COX10: variants seen among roughly 807,000 people sequenced by gnomAD.
COX10 encodes cytochrome c oxidase assembly factor heme A:farnesyltransferase COX10, also known as protoheme IX farnesyltransferase, mitochondrial.
In COX10, 27 loss-of-function variants were observed where a neutral mutation model predicts 37.3. That is an observed-to-expected ratio of 0.72 (90% CI 0.53 to 1.00). The LOEUF is 1.00. COX10 is among the 50% of genes least tolerant of loss of function. The pLI, the probability that COX10 is intolerant of heterozygous loss-of-function variation, is 0.00. For missense variants in COX10, 475 were observed against 563.2 expected, an observed-to-expected ratio of 0.84 and a Z score of 1.59; for synonymous variants, 222 against 229.1, an observed-to-expected ratio of 0.97 and a Z score of 0.28.
At chr17:14,071,730 C>CA (rs57780115) in intron 1 of COX10, among the ~76,000 whole-genome samples, 41,197 of 113,208 alleles carry the variant, frequency 0.36, 7,932 homozygotes, top group East Asian at 0.49. Flanking sequence ...CTAAAAATAC[C>CA]AAAAAAAAAA....
At chr17:14,106,152 T>G (rs2006924) in intron 4 of COX10, among the ~76,000 whole-genome samples, 71,388 of 151,672 alleles carry the variant, frequency 0.47, 17,090 homozygotes, top group East Asian at 0.54. Flanking sequence ...AAGTAGCTGG[T>G]ATTATAGGCG....
intron 4 of COX10, among the ~76,000 whole-genome samples, chr17:14,154,282 G>T (rs932369183): frequency 2.0e-5 from 3 of 152,162 alleles, no homozygotes; most frequent in African/African-American, 7.2e-5. Flanking sequence ...CTTGCATGTC[G>T]ATTATACCTT....
chr17:14,085,154 A>G (rs1915382186), intron 3 of COX10, among the ~76,000 whole-genome samples: 1 of 151,986 alleles, frequency 6.6e-6, no homozygotes, highest in Non-Finnish European at 1.5e-5. Flanking sequence ...TAAAATGGGG[A>G]TAATCCTCCC....
chr17:14,156,925 TCAGA>T (rs1905053158), intron 4 of COX10, among the ~76,000 whole-genome samples: 1 of 152,132 alleles, frequency 6.6e-6, no homozygotes, highest in African/African-American at 2.4e-5. Context: ...TTCCGCAGAG[TCAGA>T]CAGTAAACAT....
intron 3 of COX10, among the ~76,000 whole-genome samples, chr17:14,094,708 G>A (rs1334184076): frequency 6.6e-6 from 1 of 152,184 alleles, no homozygotes; most frequent in Non-Finnish European, 1.5e-5. Flanking sequence ...AATTCTTTTA[G>A]CACTGCTTTG....
intron 6 of COX10, among the ~76,000 whole-genome samples, chr17:14,205,512 G>A (rs1289883289): frequency 2.0e-5 from 3 of 152,234 alleles, no homozygotes; most frequent in East Asian, 1.9e-4. Flanking sequence ...GCAGGAGCAC[G>A]TGTGGATTGT....
At chr17:14,202,747 G>A (rs1219889403) in intron 6 of COX10, among the ~76,000 whole-genome samples, 42 of 102,084 alleles carry the variant, frequency 4.1e-4, no homozygotes, top group African/African-American at 1.5e-3. Context: ...TCTGTCTCTC[G>A]ACCCCCAGCC....
At chr17:14,170,573 G>A (rs150093703) in intron 5 of COX10, among the ~76,000 whole-genome samples, 2 of 152,284 alleles carry the variant, frequency 1.3e-5, no homozygotes, top group African/African-American at 4.8e-5. Context: ...TCAACAATTT[G>A]GGAGGCAAAG....
At chr17:14,123,083 C>T (rs1916262933) in intron 4 of COX10, among the ~76,000 whole-genome samples, 1 of 152,126 alleles carries the variant, frequency 6.6e-6, no homozygotes, top group African/African-American at 2.4e-5. Flanking sequence ...GTTTACAGTG[C>T]TATTTCATGT....
At chr17:14,087,461 A>T (rs952138557) in intron 3 of COX10, among the ~76,000 whole-genome samples, 4 of 152,150 alleles carry the variant, frequency 2.6e-5, no homozygotes, top group African/African-American at 9.7e-5. Flanking sequence ...TGTCTTCTAT[A>T]CCTACAGCAG....
chr17:14,163,429 G>T (rs1905212989), intron 5 of COX10, among the ~76,000 whole-genome samples: 1 of 151,752 alleles, frequency 6.6e-6, no homozygotes, highest in Admixed American at 6.6e-5. Context: ...TAATTTTTTT[G>T]TATTTTTATA....
At chr17:14,102,800 T>A (rs1326281305) in intron 4 of COX10, among the ~76,000 whole-genome samples, 1 of 152,138 alleles carries the variant, frequency 6.6e-6, no homozygotes, top group Non-Finnish European at 1.5e-5. Flanking sequence ...CCAAATAATT[T>A]TTTTTCCCAT....
chr17:14,183,551 G>A (rs1461647246), intron 5 of COX10, among the ~76,000 whole-genome samples: 4 of 152,144 alleles, frequency 2.6e-5, no homozygotes, highest in African/African-American at 4.8e-5. Flanking sequence ...GAGCACCAAC[G>A]TTTAAAAAAC....
At chr17:14,091,440 G>C (rs1474246041) in intron 3 of COX10, among the ~76,000 whole-genome samples, 1 of 152,174 alleles carries the variant, frequency 6.6e-6, no homozygotes, top group African/African-American at 2.4e-5. Flanking sequence ...ATTTCTAAAA[G>C]ATTCTTGCTA....
chr17:14,198,246 C>A (rs1253106455), intron 6 of COX10, among the ~76,000 whole-genome samples: 2 of 152,148 alleles, frequency 1.3e-5, no homozygotes, highest in African/African-American at 2.4e-5. Flanking sequence ...GCCCAGCCGA[C>A]ATTCCAGCTG....
At chr17:14,081,143 T>C (rs115162438) in intron 3 of COX10, among the ~76,000 whole-genome samples, 4,372 of 152,278 alleles carry the variant, frequency 0.029, 124 homozygotes, top group African/African-American at 0.079. Context: ...CAGAGTTAAT[T>C]GCAACAGAAA....
In COX10 at chr17:14,076,846, T is replaced by A. The variant is rs747287045; in HGVS notation, c.289T>A (p.Tyr97Asn). 3 of 1,614,030 alleles carry A rather than the reference T, an allele frequency of 1.9e-6. No individual in the cohort carries two copies. The highest frequency in any genetic ancestry group is 1.3e-5 in the African/African-American group (1 of 74,904). Residue 97 changes from tyrosine to asparagine, a missense_variant, in exon 3 of 7, where the codon TAT becomes AAT. Tyr to Asn is a moderately radical substitution (Grantham distance 143, BLOSUM62 -2). Coordinates refer to ENST00000261643, the MANE Select transcript of COX10 (RefSeq NM_001303.4). ...TSSGQAKAEI[Y>N]EMRPLSPPSL... ...TTCAGGTCAAGCCAAAGCAGAAATA[T>A]ATGAGATGAGACCTCTCTCACCGCC...
At chr17:14,079,296 G>A (rs1393569279) in intron 3 of COX10, among the ~76,000 whole-genome samples, 1 of 152,192 alleles carries the variant, frequency 6.6e-6, no homozygotes, top group African/African-American at 2.4e-5. Flanking sequence ...TTTCCCCTAA[G>A]GTTGTTTTTG....
At chr17:14,082,641 G>T (rs1313045838) in intron 3 of COX10, among the ~76,000 whole-genome samples, 2 of 151,996 alleles carry the variant, frequency 1.3e-5, no homozygotes, top group Non-Finnish European at 2.9e-5. Flanking sequence ...TCCAGATGCA[G>T]GGTTTGATAT....
Sources: gnomAD v4.1 joint callset for allele counts (sites outside exome capture counted in the v4.1 genomes callset) on GRCh38, gnomAD v4.1.1 for gene constraint, MANE v1.5 for transcripts, NCBI Gene and HGNC (gene_info 2026-07-23, HGNC 2026-07-21) for gene names.